ERBIN: variants seen among roughly 807,000 people sequenced by gnomAD.
ERBIN encodes the protein densin-180-like protein.
A neutral mutation model predicts 158.4 loss-of-function variants in ERBIN; 60 were observed. That is an observed-to-expected ratio of 0.38 (90% confidence interval 0.31 to 0.47). The LOEUF (loss-of-function observed/expected upper bound fraction) is 0.47. ERBIN is among the 20% of genes least tolerant of loss of function. ERBIN has a pLI of 0.99. For missense variants in ERBIN, 1,610 were observed against 1,648.0 expected (o/e 0.98, Z 0.40); for synonymous variants, 594 against 557.2 (o/e 1.07, Z -0.93).
At chr5:66,026,155 C>T (rs985461957) in intron 12 of ERBIN, 147 bp from the exon 13 acceptor site, 4 of 676,108 alleles carry the variant, frequency 5.9e-6, no homozygotes, top group Non-Finnish European at 9.3e-6. Context: ...TTCTTATGTA[C>T]ATAAAAATTA....
At chr5:66,034,134 T>G in intron 14 of ERBIN, among the ~76,000 whole-genome samples, 1 of 141,340 alleles carries the variant, frequency 7.1e-6, no homozygotes, top group East Asian at 2.1e-4. Context: ...AAAAAAAGAA[T>G]ATGAGAAGCA....
At chr5:65,939,754 G>T (rs1428318847) in intron 1 of ERBIN, among the ~76,000 whole-genome samples, 3 of 152,272 alleles carry the variant, frequency 2.0e-5, no homozygotes, top group Admixed American at 6.5e-5. Flanking sequence ...TCGCTGTGTT[G>T]GCCGGGCTGG....
chr5:66,076,120 C>G, intron 23 of ERBIN, 196 bp from the exon 24 acceptor site: 1 of 549,692 alleles, frequency 1.8e-6, no homozygotes, highest in Non-Finnish European at 3.2e-6. Flanking sequence ...ATAATCCCAG[C>G]TCTGCCTTTA....
Position 66,053,935 on chromosome 5 carries a change from A to G in ERBIN, c.2617A>G (p.Ile873Val). 1.2e-6 allele frequency: 2 copies of G among 1,614,142 alleles called. No homozygotes were observed. The highest frequency in any genetic ancestry group is 1.7e-6 in the Non-Finnish European group (2 of 1,180,016). The change falls in exon 21 of 26, where the codon ATA (isoleucine) becomes GTA (valine). Residue 873 changes from isoleucine (I) to valine (V), a missense_variant. This residue lies in a region of ERBIN where 1,014 missense variants were observed against 936.1 expected (regional missense o/e 1.08). Coordinates refer to ENST00000284037, the MANE Select transcript of ERBIN (RefSeq NM_001253697.2). The part of the protein sequence containing the change: ...PVGSVVKSHS[I>V]TNMEIGGLKI... Reference sequence around the variant, plus strand: ...TGGATCTGTTGTGAAATCTCATAGCATAACTAATATGGAGATTGGAGGGCT... The same window carrying G: ...TGGATCTGTTGTGAAATCTCATAGCGTAACTAATATGGAGATTGGAGGGCT...
chr5:66,045,894 G>A (rs1014921814), intron 17 of ERBIN, among the ~76,000 whole-genome samples: 1 of 152,032 alleles, frequency 6.6e-6, no homozygotes, highest in African/African-American at 2.4e-5. Context: ...ATTTCCTTGC[G>A]ATGTTTCAGA....
chr5:65,985,942 T>C (rs1248815825), intron 1 of ERBIN, among the ~76,000 whole-genome samples: 1 of 152,130 alleles, frequency 6.6e-6, no homozygotes, highest in Non-Finnish European at 1.5e-5. Flanking sequence ...TTTTTTTTTT[T>C]CCGCCTGGCG....
chr5:66,075,269 CTTTTTATGTA>C, intron 23 of ERBIN, 39 bp downstream of exon 23: 1 of 1,493,002 alleles, frequency 6.7e-7, no homozygotes. Flanking sequence ...TGGGACTAAG[CTTTTTATGTA>C]TTTTTATAGG....
chr5:65,981,426 CAGAA>C (rs1259552917), intron 1 of ERBIN, among the ~76,000 whole-genome samples: 5 of 151,914 alleles, frequency 3.3e-5, no homozygotes, highest in Admixed American at 6.6e-5. Flanking sequence ...ATCAATGAAA[CAGAA>C]AGCATACTCT....
intron 21 of ERBIN, among the ~76,000 whole-genome samples, chr5:66,061,940 T>G (rs1269028916): frequency 6.6e-6 from 1 of 152,252 alleles, no homozygotes; most frequent in Non-Finnish European, 1.5e-5. Flanking sequence ...CTTCCCTTTT[T>G]GGGTAACCCA....
intron 1 of ERBIN, among the ~76,000 whole-genome samples, chr5:65,954,140 T>C (rs1393518265): frequency 6.6e-6 from 1 of 152,168 alleles, no homozygotes; most frequent in African/African-American, 2.4e-5. Context: ...TTGTCTTTGA[T>C]TGAGACGATA....
chr5:66,043,126 A>G lies in ERBIN; in HGVS notation c.1356A>G (p.Glu452=), dbSNP rs765482894. 7 of 1,612,214 alleles carry G rather than the reference A, an allele frequency of 4.3e-6. No individual in the cohort carries two copies. In the South Asian group the frequency reaches 7.7e-5, roughly 18 times the overall value. ...GTTTTAACCCTTCATTGTGGGAGGA[A>G]CAGAGGAAACAGCGGGCTCAAGTTG... ...NESFNPSLWE[E]QRKQRAQVAF... Residue 452 remains glutamate, a synonymous_variant, in exon 16 of 26, where the codon GAA becomes GAG. Coordinates refer to ENST00000284037, the MANE Select transcript of ERBIN (RefSeq NM_001253697.2).
At chr5:65,977,239 C>G (rs1270252803) in intron 1 of ERBIN, among the ~76,000 whole-genome samples, 1 of 143,072 alleles carries the variant, frequency 7.0e-6, no homozygotes, top group Non-Finnish European at 1.5e-5. Context: ...GCTGGCCGGG[C>G]GGGGGGCTGA....
chr5:65,962,958 C>T (rs756734600), intron 1 of ERBIN, among the ~76,000 whole-genome samples: 14 of 151,990 alleles, frequency 9.2e-5, no homozygotes, highest in African/African-American at 2.4e-5. Context: ...TTCCAGTTAC[C>T]AGATAAAGGT....
intron 4 of ERBIN, among the ~76,000 whole-genome samples, chr5:66,000,096 T>C (rs2151071689): frequency 6.6e-6 from 1 of 152,310 alleles, no homozygotes; most frequent in Non-Finnish European, 1.5e-5. Flanking sequence ...TTCTGATCTT[T>C]TTAAATGGGA....
chr5:65,949,363 A>G (rs2150917429), intron 1 of ERBIN, among the ~76,000 whole-genome samples: 1 of 152,302 alleles, frequency 6.6e-6, no homozygotes, highest in South Asian at 2.1e-4. Context: ...AGTCCCAGGA[A>G]ATATTTAATT....
At position 65,938,617 on chromosome 5, in the gene ERBIN, A is replaced by G. The variant is rs544865566; in HGVS notation, c.-58+11811A>G. 2.6e-5 allele frequency among the ~76,000 whole-genome samples: 4 copies of G among 152,172 alleles called. No individual in the cohort carries two copies. The South Asian group carries it at 8.3e-4, about 32-fold the overall frequency. On this transcript the variant is annotated intron_variant, in intron 1 of 25. Coordinates refer to ENST00000284037, the MANE Select transcript of ERBIN (RefSeq NM_001253697.2). ...ACCCAGGCTGGATTGCAGTGGCGCAATCTGGGCTCATTGCAACCTCCACCT... is the reference window on the plus strand; with the variant it reads ...ACCCAGGCTGGATTGCAGTGGCGCAGTCTGGGCTCATTGCAACCTCCACCT...
chr5:66,031,240 G>A (rs1756841818), intron 14 of ERBIN, among the ~76,000 whole-genome samples: 3 of 152,332 alleles, frequency 2.0e-5, no homozygotes. Flanking sequence ...GCTCAGCTAT[G>A]TAGAACAGTA....
chr5:66,018,514 T>A lies in ERBIN; in HGVS notation c.534-2808T>A, dbSNP rs1434344960. 2.6e-3 allele frequency among the ~76,000 whole-genome samples: 22 copies of A among 8,626 alleles called. 8 individuals carry two copies. The highest frequency in any genetic ancestry group is 0.1 in the Middle Eastern group (2 of 20). 5.7% of individuals were successfully genotyped at this position (8,626 alleles called of 152,430 possible). A position where few individuals can be genotyped will look rare whatever the true frequency, so the allele number is the denominator to read the frequency against. Reference sequence around the variant, plus strand: ...ATATTATATAATATATATTATATATTATATAATATATATTATATTATATAA... The same window carrying A: ...ATATTATATAATATATATTATATATAATATAATATATATTATATTATATAA... On this transcript the variant is annotated intron_variant, in intron 7 of 25. Transcript: ENST00000284037.
chr5:65,979,243 A>T (rs1044196345), intron 1 of ERBIN, among the ~76,000 whole-genome samples: 1 of 151,754 alleles, frequency 6.6e-6, no homozygotes, highest in African/African-American at 2.4e-5. Context: ...CCTGGGCAAC[A>T]TAGTGGGACC....
Sources: allele counts gnomAD v4.1 joint callset (sites outside exome capture counted in the v4.1 genomes callset), GRCh38; gene constraint gnomAD v4.1.1; regional missense constraint gnomAD v4.1.1; transcripts MANE v1.5; gene names NCBI Gene and HGNC (gene_info 2026-07-23, HGNC 2026-07-21).